MAP3K5: variants seen among roughly 807,000 people sequenced by gnomAD.
MAP3K5 encodes the protein mitogen-activated protein kinase kinase kinase 5.
A neutral mutation model predicts 158.7 loss-of-function variants in MAP3K5; 56 were observed. The ratio of observed to expected loss-of-function variants is 0.35; its 90% confidence interval spans 0.28 to 0.44. The LOEUF is 0.44. MAP3K5 is among the 20% of genes least tolerant of loss of function. The pLI, the probability that MAP3K5 is intolerant of heterozygous loss-of-function variation, is 1.00. For synonymous variants in MAP3K5, 579 were observed against 601.7 expected (o/e 0.96, Z 0.55); for missense variants, 1,294 against 1,674.8 (o/e 0.77, Z 3.97).
At chr6:136,734,420 G>A (rs1002115038) in intron 1 of MAP3K5, among the ~76,000 whole-genome samples, 2 of 53,126 alleles carry the variant, frequency 3.8e-5, no homozygotes, top group African/African-American at 1.4e-4. Context: ...ACTCTGTCTC[G>A]GAAAAAAAAA....
At chr6:136,582,251 CGTGTGTGTATACGTGTGTGT>C (rs1562522035) in intron 24 of MAP3K5, among the ~76,000 whole-genome samples, 2 of 144,930 alleles carry the variant, frequency 1.4e-5, no homozygotes, top group Admixed American at 7.1e-5. Context: ...TATGTGTACA[CGTGTGTGTATACGTGTGTGT>C]GTGTGTGTGT....
In MAP3K5 at chr6:136,613,032, A is replaced by T; in HGVS notation, c.2415+88T>A. ...ATTTACTTATTCACCATTCTAAATT[A>T]ATACTCATAACACAATATGACTTTT... On this transcript the variant is annotated intron_variant, in intron 17 of 29. Coordinates refer to ENST00000359015, the MANE Select transcript of MAP3K5 (RefSeq NM_005923.4). The surrounding 1 kb of genome is among the most constrained non-coding windows in gnomAD (Gnocchi z 4.0). 8.1e-7 allele frequency: 1 copy of T among 1,227,016 alleles called. No individual in the cohort carries two copies. Among genetic ancestry groups the T allele is most frequent in the Non-Finnish European group, 1.1e-6 (1 of 890,750 alleles). The allele number at this position is 1,227,016 out of a possible 1,614,324, so 76.0% of individuals were successfully genotyped here.
intron 2 of MAP3K5, among the ~76,000 whole-genome samples, chr6:136,708,885 A>C (rs1375462101): frequency 6.6e-6 from 1 of 152,120 alleles, no homozygotes. Context: ...TATGGCTCTC[A>C]CTTGATAGAA....
Position 136,557,104 on chromosome 6 carries a change from A to G in MAP3K5, c.*654T>C, listed in dbSNP as rs1830287520. On this transcript the variant is annotated 3_prime_UTR_variant, in exon 30 of 30. Transcript: ENST00000359015. ...ATATGACACAATGGATAGCTTTAGA[A>G]CAAGCTAACATTACTACAGTTCAAG... 6.6e-6 allele frequency: 1 copy of G among 152,220 alleles called. No individual in the cohort carries two copies. Among genetic ancestry groups the G allele is most frequent in the South Asian group, 2.1e-4 (1 of 4,830 alleles). 9.4% of individuals were successfully genotyped at this position (152,220 alleles called of 1,614,324 possible).
intron 15 of MAP3K5, among the ~76,000 whole-genome samples, 187 bp downstream of exon 15, chr6:136,622,661 C>G (rs895962994): frequency 1.3e-5 from 2 of 152,292 alleles, no homozygotes; most frequent in African/African-American, 2.4e-5. Flanking sequence ...TTTGAAAGCC[C>G]CGTTCTTCCC....
At chr6:136,592,827 G>A (rs1331284581) in intron 21 of MAP3K5, 6 of 614,280 alleles carry the variant, frequency 9.8e-6, no homozygotes, top group Non-Finnish European at 1.8e-5. Context: ...GGCCTCCCAG[G>A]CCCTGGGAGG....
intron 14 of MAP3K5, among the ~76,000 whole-genome samples, chr6:136,624,544 A>G (rs554220602): frequency 6.6e-6 from 1 of 152,340 alleles, no homozygotes; most frequent in East Asian, 1.9e-4. Context: ...CTGATTACAT[A>G]TTAGACAACA....
chr6:136,596,648 TC>T, intron 21 of MAP3K5, among the ~76,000 whole-genome samples: 1 of 152,298 alleles, frequency 6.6e-6, no homozygotes, highest in East Asian at 1.9e-4. Context: ...CCAGAACTCA[TC>T]TGTGAGGGAT....
intron 23 of MAP3K5, among the ~76,000 whole-genome samples, chr6:136,584,777 C>T (rs536803853): frequency 5.3e-5 from 8 of 152,278 alleles, no homozygotes; most frequent in South Asian, 2.1e-4. Flanking sequence ...GTGCAAACTC[C>T]GGGGACTTGA....
chr6:136,580,873 G>A (rs1485190695), intron 24 of MAP3K5, among the ~76,000 whole-genome samples: 1 of 151,784 alleles, frequency 6.6e-6, no homozygotes, highest in Non-Finnish European at 1.5e-5. Context: ...GGAGTGCAGT[G>A]GCGGGATCAT....
In MAP3K5 at chr6:136,613,900, G is replaced by A. The variant is rs1776448817; in HGVS notation, c.2278+259C>T. Among the ~76,000 whole-genome samples, 1 of 152,172 alleles carries A rather than the reference G, an allele frequency of 6.6e-6. No homozygotes were observed. Among genetic ancestry groups the A allele is most frequent in the Admixed American group, 6.6e-5 (1 of 15,266 alleles). ...TGAACTTCCTCACTTTGGAACACTG[G>A]CCCATTCTTTTGGAGTCTGTGTTTC... On this transcript the variant is annotated intron_variant, in intron 16 of 29. Coordinates refer to ENST00000359015, the MANE Select transcript of MAP3K5 (RefSeq NM_005923.4). This position sits in a 1 kb window ranked among gnomAD's most constrained non-coding sequence, Gnocchi z 4.0.
At chr6:136,698,881 T>C (rs1780725090) in intron 3 of MAP3K5, among the ~76,000 whole-genome samples, 199 bp from the exon 4 acceptor site, 1 of 152,160 alleles carries the variant, frequency 6.6e-6, no homozygotes, top group Non-Finnish European at 1.5e-5. Flanking sequence ...GACTTACAGA[T>C]GATACCAAAA....
intron 23 of MAP3K5, among the ~76,000 whole-genome samples, chr6:136,590,580 G>A (rs572396217): frequency 6.1e-5 from 9 of 147,508 alleles, no homozygotes; most frequent in Middle Eastern, 3.5e-3. Flanking sequence ...TCCCTCTGTC[G>A]CCCAGGCTGG....
rs1366913183 is a variant in MAP3K5, at chr6:136,609,763, T to G, written c.2521+1519A>C. 6.6e-6 allele frequency among the ~76,000 whole-genome samples: 1 copy of G among 151,434 alleles called. No homozygotes were observed. Among genetic ancestry groups the G allele is most frequent in the Admixed American group, 6.6e-5 (1 of 15,154 alleles). On this transcript the variant is annotated intron_variant, in intron 18 of 29. Coordinates refer to ENST00000359015, the MANE Select transcript of MAP3K5 (RefSeq NM_005923.4). This position sits in a 1 kb window ranked among gnomAD's most constrained non-coding sequence, Gnocchi z 4.4. Reference sequence around the variant, plus strand: ...TGAGCAGAGATTACACCACTGTACTTCAGCCTGGGTTACAGAGCGAGAACC... The same window carrying G: ...TGAGCAGAGATTACACCACTGTACTGCAGCCTGGGTTACAGAGCGAGAACC...
chr6:136,592,389 C>A, intron 22 of MAP3K5, 48 bp from the exon 23 acceptor site: 1 of 1,598,020 alleles, frequency 6.3e-7, no homozygotes, highest in Non-Finnish European at 8.5e-7. Flanking sequence ...TATAAAATGA[C>A]ACACTTAACA....
chr6:136,649,760 T>C (rs374066720), intron 11 of MAP3K5, among the ~76,000 whole-genome samples: 14 of 152,244 alleles, frequency 9.2e-5, no homozygotes, highest in African/African-American at 2.9e-4. Context: ...TTAAGATATA[T>C]TGAACATCTA....
chr6:136,768,160 C>G (rs1046969699), intron 1 of MAP3K5, among the ~76,000 whole-genome samples: 2 of 152,076 alleles, frequency 1.3e-5, no homozygotes, highest in African/African-American at 4.8e-5. Flanking sequence ...TGCTTTCTTA[C>G]GTAAGACAAC....
chr6:136,733,661 T>C (rs1582606026), intron 1 of MAP3K5, among the ~76,000 whole-genome samples: 2 of 152,170 alleles, frequency 1.3e-5, no homozygotes, highest in Admixed American at 1.3e-4. Flanking sequence ...TGTTTTAGGT[T>C]CATGGCAAAA....
intron 1 of MAP3K5, among the ~76,000 whole-genome samples, chr6:136,762,768 C>T (rs923332674): frequency 6.6e-6 from 1 of 152,170 alleles, no homozygotes; most frequent in African/African-American, 2.4e-5. Context: ...ATGCCAATGT[C>T]TGCATTGCCC....
Sources: gnomAD v4.1 joint callset for allele counts (sites outside exome capture counted in the v4.1 genomes callset) on GRCh38, gnomAD v4.1.1 for gene constraint, Gnocchi (gnomAD v3.1) non-coding constraint, MANE v1.5 for transcripts, NCBI Gene and HGNC (gene_info 2026-07-23, HGNC 2026-07-21) for gene names.